Variants in NPAS3 observed in about 807,000 individuals in gnomAD.
NPAS3 encodes the protein neuronal PAS domain-containing protein 3.
NPAS3 carries 14 observed loss-of-function variants against 73.1 expected under a neutral mutation model. That is an observed-to-expected ratio of 0.19 (90% CI 0.13 to 0.30). NPAS3 has a LOEUF of 0.30. Among genes scored for constraint, NPAS3 ranks in the 10% least tolerant of loss-of-function variants. NPAS3 has a pLI of 1.00. For synonymous variants in NPAS3, 620 were observed against 541.5 expected (o/e 1.14, Z -2.01); for missense variants, 1,096 against 1,250.0 (o/e 0.88, Z 1.86).
intron 5 of NPAS3, among the ~76,000 whole-genome samples, chr14:33,569,533 CCTTCCCTCTTGGCCTTCTCT>C (rs1031818151): frequency 3.3e-5 from 5 of 152,198 alleles, no homozygotes; most frequent in Admixed American, 2.6e-4. Context: ...TTAAGAAACC[CCTTCCCTCTTGGCCTTCTCT>C]CGCCAATAGA....
chr14:33,447,407 G>C (rs2049566539), intron 4 of NPAS3, among the ~76,000 whole-genome samples: 1 of 152,316 alleles, frequency 6.6e-6, no homozygotes, highest in Non-Finnish European at 1.5e-5. Context: ...CGCATTTGTA[G>C]GAGGTAGGGA....
intron 1 of NPAS3, among the ~76,000 whole-genome samples, chr14:33,053,080 C>T (rs1223721628): frequency 3.9e-5 from 6 of 152,264 alleles, no homozygotes; most frequent in Admixed American, 2.6e-4. Flanking sequence ...ATTGTTAAGG[C>T]GTCATCTGTT....
chr14:33,561,833 A>T (rs1186934782), intron 5 of NPAS3, among the ~76,000 whole-genome samples: 1 of 152,220 alleles, frequency 6.6e-6, no homozygotes, highest in Non-Finnish European at 1.5e-5. Context: ...CCTGAAAAGC[A>T]TCCATTATAT....
chr14:33,770,124 G>A (rs1267703750), intron 7 of NPAS3, among the ~76,000 whole-genome samples: 1 of 152,132 alleles, frequency 6.6e-6, no homozygotes, highest in Non-Finnish European at 1.5e-5. Flanking sequence ...CTGAGATCCA[G>A]ATTTAACAGG....
intron 2 of NPAS3, among the ~76,000 whole-genome samples, chr14:33,105,231 C>A (rs1488158684): frequency 6.6e-6 from 1 of 152,086 alleles, no homozygotes; most frequent in East Asian, 1.9e-4. Flanking sequence ...AACATATAAC[C>A]AAGTGACGCT....
At chr14:33,085,138 C>T (rs950630728) in intron 2 of NPAS3, among the ~76,000 whole-genome samples, 2 of 152,108 alleles carry the variant, frequency 1.3e-5, no homozygotes, top group African/African-American at 2.4e-5. Flanking sequence ...TACCATGTTG[C>T]GTGAGATTTG....
intron 1 of NPAS3, among the ~76,000 whole-genome samples, chr14:32,971,016 A>G (rs1486625907): frequency 1.3e-5 from 2 of 151,886 alleles, no homozygotes; most frequent in Admixed American, 1.3e-4. Context: ...ACCTGGAAGT[A>G]TGGCACTCTC....
intron 3 of NPAS3, among the ~76,000 whole-genome samples, chr14:33,302,850 T>C (rs542957935): frequency 6.6e-6 from 1 of 152,264 alleles, no homozygotes; most frequent in African/African-American, 2.4e-5. Context: ...AGTTACACTC[T>C]GTATTTTAGA....
intron 4 of NPAS3, among the ~76,000 whole-genome samples, chr14:33,403,034 G>A (rs951643719): frequency 6.6e-6 from 1 of 152,000 alleles, no homozygotes; most frequent in Admixed American, 6.6e-5. Flanking sequence ...ATTGGTAGGG[G>A]CTTAAAAATT....
chr14:33,554,991 G>T (rs1427447749), intron 4 of NPAS3, among the ~76,000 whole-genome samples: 2 of 149,978 alleles, frequency 1.3e-5, no homozygotes, highest in African/African-American at 4.8e-5. Flanking sequence ...AATGTCAGGG[G>T]ATATAAATTA....
At chr14:33,204,676 C>T (rs1408042024) in intron 2 of NPAS3, among the ~76,000 whole-genome samples, 2 of 152,134 alleles carry the variant, frequency 1.3e-5, no homozygotes, top group Non-Finnish European at 2.9e-5. Context: ...GAGCAAAGCA[C>T]TGCTTTGGGA....
intron 1 of NPAS3, among the ~76,000 whole-genome samples, chr14:32,987,068 T>C (rs1353504126): frequency 6.6e-6 from 1 of 152,154 alleles, no homozygotes; most frequent in Non-Finnish European, 1.5e-5. Context: ...ACGTCTTTCA[T>C]GAAACTATAG....
intron 6 of NPAS3, among the ~76,000 whole-genome samples, chr14:33,697,010 T>G (rs1328031686): frequency 6.6e-6 from 1 of 152,212 alleles, no homozygotes; most frequent in Non-Finnish European, 1.5e-5. Context: ...ATACATTCAG[T>G]GATGGGCCTT....
Position 33,499,444 on chromosome 14 carries a change from C to G in NPAS3, c.469-60677C>G, listed in dbSNP as rs555411539. ...ATTTTCCCACAGTGCTTAAAGATAT[C>G]ATTTCCTTAGAAATGATATCTTGGC... On this transcript the variant is annotated intron_variant, in intron 4 of 11. Transcript: ENST00000356141. Among the ~76,000 whole-genome samples the G allele has an allele frequency of 2.6e-5, 4 of 151,950 alleles. No individual in the cohort carries two copies. The South Asian group carries it at 8.3e-4, about 32-fold the overall frequency.
chr14:33,174,193 G>T (rs1241539526), intron 2 of NPAS3, among the ~76,000 whole-genome samples: 1 of 152,172 alleles, frequency 6.6e-6, no homozygotes. Context: ...TGCCTTTGAG[G>T]TGCAGATGCC....
intron 5 of NPAS3, among the ~76,000 whole-genome samples, chr14:33,659,544 C>T (rs1381636405): frequency 6.6e-6 from 1 of 152,114 alleles, no homozygotes; most frequent in Non-Finnish European, 1.5e-5. Flanking sequence ...GCAAACAGAG[C>T]AAGAACTTAT....
chr14:32,943,904 G>A (rs2036143151), intron 1 of NPAS3, among the ~76,000 whole-genome samples: 1 of 152,002 alleles, frequency 6.6e-6, no homozygotes, highest in African/African-American at 2.4e-5. Context: ...TGGCCAGGCT[G>A]GTCTCAAACT....
At chr14:33,686,756 T>C (rs2060099877) in intron 6 of NPAS3, among the ~76,000 whole-genome samples, 1 of 152,158 alleles carries the variant, frequency 6.6e-6, no homozygotes, top group Non-Finnish European at 1.5e-5. Context: ...TCCTCCAGTG[T>C]GCCTCTAAAT....
At chr14:33,541,917 A>C (rs1362035180) in intron 4 of NPAS3, among the ~76,000 whole-genome samples, 1 of 152,050 alleles carries the variant, frequency 6.6e-6, no homozygotes, top group African/African-American at 2.4e-5. Flanking sequence ...TTCCCTCTGC[A>C]GGTTAATTTT....
Sources: gnomAD v4.1 joint callset for allele counts (sites outside exome capture counted in the v4.1 genomes callset) on GRCh38, gnomAD v4.1.1 for gene constraint, MANE v1.5 for transcripts, NCBI Gene and HGNC (gene_info 2026-07-23, HGNC 2026-07-21) for gene names.